The following NEXN variants were observed in gnomAD, a reference collection of about 807,000 sequenced individuals.
NEXN encodes nexilin.
In NEXN, 65 loss-of-function variants were observed where a neutral mutation model predicts 92.6. That is an observed-to-expected ratio of 0.70 (90% CI 0.57 to 0.86). The LOEUF (loss-of-function observed/expected upper bound fraction) is 0.86. NEXN is among the 40% of genes least tolerant of loss of function. NEXN has a pLI of 0.00. For synonymous variants in NEXN, 254 were observed against 242.5 expected, an observed-to-expected ratio of 1.05 and a Z score of -0.44; for missense variants, 778 against 771.1, an observed-to-expected ratio of 1.01 and a Z score of -0.11.
Position 77,926,519 on chromosome 1 carries a change from A to G in NEXN, c.595A>G (p.Lys199Glu), listed in dbSNP as rs1354265495. Residue 199 changes from lysine (K) to glutamate (E), a missense_variant, in exon 7 of 13, where the codon AAA becomes GAA. Transcript: ENST00000334785. ...FEDLEKEREE[K>E]ERIKYEEDKR... ...GGATCTAGAAAAAGAACGTGAAGAG[A>G]AAGAAAGGATCAAGTACGAGGAAGA... 6.2e-7 allele frequency: 1 copy of G among 1,613,378 alleles called. No individual in the cohort carries two copies. The highest frequency in any genetic ancestry group is 8.5e-7 in the Non-Finnish European group (1 of 1,179,760).
chr1:77,892,731 T>A (rs1477728004), intron 1 of NEXN, among the ~76,000 whole-genome samples: 1 of 152,186 alleles, frequency 6.6e-6, no homozygotes, highest in Non-Finnish European at 1.5e-5. Context: ...TGACACTAAT[T>A]GTTAGTGTCG....
chr1:77,914,066 C>T (rs534976072), intron 1 of NEXN, among the ~76,000 whole-genome samples: 1 of 152,156 alleles, frequency 6.6e-6, no homozygotes, highest in Non-Finnish European at 1.5e-5. Context: ...ATCATGGTTA[C>T]CAGGAATTAT....
chr1:77,942,358 A>T, intron 12 of NEXN, 103 bp from the exon 13 acceptor site: 1 of 1,393,286 alleles, frequency 7.2e-7, no homozygotes, highest in Non-Finnish European at 1.0e-6. Flanking sequence ...GCACACTTGT[A>T]TGTTCTTTAC....
Position 77,905,303 on chromosome 1 carries a change from T to A in NEXN, c.-52-10752T>A, listed in dbSNP as rs187029288. 3.1e-4 allele frequency among the ~76,000 whole-genome samples: 47 copies of A among 152,182 alleles called. 2 individuals carry two copies. The highest frequency in any genetic ancestry group is 2.8e-3 in the Admixed American group (43 of 15,274). ...AGTGGCATGTTGTATTTATACAATA[T>A]CCCTGCATAATGATAATCATAATGA... On this transcript the variant is annotated intron_variant, in intron 1 of 12. Transcript: ENST00000334785.
intron 1 of NEXN, among the ~76,000 whole-genome samples, chr1:77,904,350 T>G (rs1647941959): frequency 6.6e-6 from 1 of 152,202 alleles, no homozygotes; most frequent in African/African-American, 2.4e-5. Flanking sequence ...TACCAAAAGC[T>G]GTATATATTT....
At chr1:77,912,984 T>C (rs1648700818) in intron 1 of NEXN, among the ~76,000 whole-genome samples, 1 of 152,170 alleles carries the variant, frequency 6.6e-6, no homozygotes, top group Non-Finnish European at 1.5e-5. Context: ...CAAAAGACAC[T>C]GTGAAAAGAA....
intron 5 of NEXN, among the ~76,000 whole-genome samples, chr1:77,923,003 CTTTTTTTTTTT>C (rs753111389): frequency 1.8e-5 from 2 of 112,386 alleles, no homozygotes; most frequent in Non-Finnish European, 3.7e-5. Flanking sequence ...AATTGGGTGT[CTTTTTTTTTTT>C]TTTTTTTTTT....
intron 1 of NEXN, among the ~76,000 whole-genome samples, chr1:77,915,445 C>T (rs984580473): frequency 4.6e-5 from 7 of 152,034 alleles, no homozygotes; most frequent in Non-Finnish European, 1.0e-4. Context: ...CTGGCTAACA[C>T]GGTGAAACCC....
Position 77,926,465 on chromosome 1 carries a change from A to G in NEXN, c.541A>G (p.Thr181Ala). Reference sequence around the variant, plus strand: ...TGTGGTACCTGTCAAATCATATAAAACATCTGGAAAAATGAAAAAGAATTT... The same window carrying G: ...TGTGGTACCTGTCAAATCATATAAAGCATCTGGAAAAATGAAAAAGAATTT... ...ITVVPVKSYK[T>A]SGKMKKNFED... is the part of the protein sequence containing the mutation. Residue 181 changes from threonine (T) to alanine (A), a missense_variant, in exon 7 of 13, where the codon ACA (threonine) becomes GCA (alanine). Coordinates refer to ENST00000334785, the MANE Select transcript of NEXN (RefSeq NM_144573.4). 2 of 1,609,416 alleles carry G rather than the reference A, an allele frequency of 1.2e-6. No individual in the cohort carries two copies. The highest frequency in any genetic ancestry group is 1.7e-6 in the Non-Finnish European group (2 of 1,178,068).
rs1180967101 is a variant in NEXN at position 77,942,938 on chromosome 1, TTC to T, written c.*113_*114del. 6 of 1,428,462 alleles carry T rather than the reference TTC, an allele frequency of 4.2e-6. No homozygotes were observed. The East Asian group carries it at 7.6e-5, about 18-fold the overall frequency. 88.5% of individuals were successfully genotyped at this position (1,428,462 alleles called of 1,614,324 possible). ...GCTCCCCTCCCCTCTCCCTGGAACT[TTC>T]TCTTTCACTCCAACTTTCTTACTAC... On this transcript the variant is annotated 3_prime_UTR_variant, in exon 13 of 13. Coordinates refer to ENST00000334785, the MANE Select transcript of NEXN (RefSeq NM_144573.4).
intron 1 of NEXN, among the ~76,000 whole-genome samples, chr1:77,896,170 CAATA>C (rs60137071): frequency 8.7e-4 from 125 of 144,338 alleles, no homozygotes; most frequent in African/African-American, 3.0e-3. Context: ...GACTTTGTCT[CAATA>C]AATAAATAAA....
chr1:77,940,005 CAG>C lies in NEXN; in HGVS notation c.1474-2017_1474-2016del, dbSNP rs375321376. On this transcript the variant is annotated intron_variant, in intron 11 of 12. Transcript: ENST00000334785. ...AGGAGAACGGCTTGAACCCGGGAGA[CAG>C]GGGTTGCAGTGAGCCGAGATCACGC... is the stretch of plus-strand genomic sequence containing the variant. Among the ~76,000 whole-genome samples the C allele has an allele frequency of 6.2e-3, 941 of 152,216 alleles. 9 individuals carry two copies. The highest frequency in any genetic ancestry group is 0.021 in the African/African-American group (885 of 41,536).
At chr1:77,940,609 G>A (rs1651183723) in intron 11 of NEXN, among the ~76,000 whole-genome samples, 1 of 152,060 alleles carries the variant, frequency 6.6e-6, no homozygotes, top group South Asian at 2.1e-4. Context: ...TAACTGGGAG[G>A]GACTCAGAAT....
rs368295679 is a variant in NEXN, at chr1:77,943,237, C to CAA, written c.*417_*418dup. 3.7e-4 allele frequency: 73 copies of CAA among 195,800 alleles called. No individual in the cohort carries two copies. The highest frequency in any genetic ancestry group is 2.0e-3 in the South Asian group (26 of 12,854). The allele number at this position is 195,800 out of a possible 1,614,324, so 12.1% of individuals were successfully genotyped here. A position where few individuals can be genotyped will look rare whatever the true frequency, so the allele number is the denominator to read the frequency against. On this transcript the variant is annotated 3_prime_UTR_variant, in exon 13 of 13. Transcript: ENST00000334785. ...AGCAACTATGTTTAAAAAACAAAAA[C>CAA]AAAAAAAAAACACACAAACCTAAGT...
intron 12 of NEXN, 92 bp from the exon 13 acceptor site, chr1:77,942,368 CT>C (rs1651425148): frequency 6.9e-7 from 1 of 1,458,816 alleles, no homozygotes; most frequent in African/African-American, 1.4e-5. Flanking sequence ...ATGTTCTTTA[CT>C]TAAAAAAAAA....
In NEXN at chr1:77,942,208, G is replaced by A. The variant is rs557379467; in HGVS notation, c.1659G>A (p.Lys553=). 1.9e-6 allele frequency: 3 copies of A among 1,613,382 alleles called. No homozygotes were observed. Among genetic ancestry groups the A allele is most frequent in the African/African-American group, 1.3e-5 (1 of 74,986 alleles). Residue 553 remains lysine (K), a splice_region_variant and synonymous_variant, in exon 12 of 13, where the codon AAG becomes AAA. Transcript: ENST00000334785. ...GGGAAATTGATGCAGCACTACAAAA[G>A]GTACCAGGCTTATGTATCCTTTATT... is the stretch of plus-strand genomic sequence containing the variant. The part of the protein sequence containing the change: ...EQREIDAALQ[K]KREEEEEEEG...
chr1:77,907,283 G>A (rs1248576426), intron 1 of NEXN, among the ~76,000 whole-genome samples: 3 of 152,184 alleles, frequency 2.0e-5, no homozygotes, highest in African/African-American at 7.2e-5. Context: ...GAAATGCACT[G>A]TTGTTTCTAC....
At position 77,943,221 on chromosome 1, in the gene NEXN, G is replaced by T; in HGVS notation, c.*392G>T. 1 of 199,642 alleles carries T rather than the reference G, an allele frequency of 5.0e-6. No individual in the cohort carries two copies. Among genetic ancestry groups the T allele is most frequent in the Admixed American group, 5.4e-5 (1 of 18,372 alleles). The allele number at this position is 199,642 out of a possible 1,614,324, so 12.4% of individuals were successfully genotyped here. A position where few individuals can be genotyped will look rare whatever the true frequency, so the allele number is the denominator to read the frequency against. On this transcript the variant is annotated 3_prime_UTR_variant, in exon 13 of 13. Transcript: ENST00000334785. ...TCCCATAGACGTTTACAGCAACTAT[G>T]TTTAAAAAACAAAAACAAAAAAAAA...
intron 1 of NEXN, 124 bp downstream of exon 1, chr1:77,888,883 T>A (rs1490196981): frequency 1.3e-5 from 2 of 152,650 alleles, no homozygotes; most frequent in African/African-American, 4.8e-5. Flanking sequence ...CTTCTGGCCG[T>A]GCTCCGCTGC....
Sources: allele counts gnomAD v4.1 joint callset (sites outside exome capture counted in the v4.1 genomes callset), GRCh38; gene constraint gnomAD v4.1.1; transcripts MANE v1.5; gene names NCBI Gene and HGNC (gene_info 2026-07-23, HGNC 2026-07-21).